Variants in CIT observed in about 807,000 individuals in gnomAD.
CIT encodes the protein citron Rho-interacting kinase.
A neutral mutation model predicts 272.7 loss-of-function variants in CIT; 79 were observed. The observed-to-expected ratio is 0.29, with a 90% CI of 0.24 to 0.35. The LOEUF (loss-of-function observed/expected upper bound fraction) is 0.35, where lower values mean the gene tolerates loss of function less well. Ranked by LOEUF, CIT falls within the 10% of genes least tolerant of loss-of-function variation. The pLI, the probability that CIT is intolerant of heterozygous loss-of-function variation, is 1.00. For missense variants in CIT, 1,909 were observed against 2,618.3 expected, an observed-to-expected ratio of 0.73 and a Z score of 5.91; for synonymous variants, 948 against 995.6, an observed-to-expected ratio of 0.95 and a Z score of 0.90.
chr12:119,868,931 C>A (rs983156601), intron 3 of CIT, 129 bp downstream of exon 3: 2 of 1,109,010 alleles, frequency 1.8e-6, no homozygotes, highest in Admixed American at 2.6e-5. Context: ...TGAATTTGAA[C>A]CTGGATCTGT....
intron 22 of CIT, among the ~76,000 whole-genome samples, chr12:119,756,602 CT>C (rs1961018717): frequency 6.6e-6 from 1 of 152,158 alleles, no homozygotes; most frequent in Admixed American, 6.5e-5. Flanking sequence ...GGAGAGTAGT[CT>C]TCCATCTTTT....
In CIT at chr12:119,783,953, T is replaced by C. The variant is rs1964534040; in HGVS notation, c.1500A>G (p.Arg500=). 1.2e-6 allele frequency: 2 copies of C among 1,612,282 alleles called. No individual in the cohort carries two copies. Among genetic ancestry groups the C allele is most frequent in the Non-Finnish European group, 1.7e-6 (2 of 1,179,164 alleles). ...TAGCAAGGTCCTGCTCCAGGAGGGA[T>C]CTCTGAGTCTCAGAGGCCTTCAGCT... The part of the protein sequence containing the change: ...EVELKASETQ[R]SLLEQDLATY... Residue 500 remains arginine (R), a synonymous_variant, in exon 12 of 48, where the codon AGA becomes AGG. Coordinates refer to ENST00000392521, the MANE Select transcript of CIT (RefSeq NM_001206999.2).
At chr12:119,839,236 C>T (rs1221291279) in intron 5 of CIT, among the ~76,000 whole-genome samples, 3 of 152,240 alleles carry the variant, frequency 2.0e-5, no homozygotes, top group Non-Finnish European at 4.4e-5. Flanking sequence ...TCTGTGCACA[C>T]GTGCACACAC....
chr12:119,833,294 A>G (rs1463207170), intron 6 of CIT, among the ~76,000 whole-genome samples: 1 of 152,214 alleles, frequency 6.6e-6, no homozygotes, highest in African/African-American at 2.4e-5. Context: ...CTGGACTAAC[A>G]ATCATTGTAT....
chr12:119,830,577 T>C (rs1968545458), intron 7 of CIT, among the ~76,000 whole-genome samples: 1 of 150,998 alleles, frequency 6.6e-6, no homozygotes, highest in African/African-American at 2.4e-5. Flanking sequence ...CTCAACCTAC[T>C]GCAGGCATGA....
At position 119,784,464 on chromosome 12, in the gene CIT, T is replaced by A; in HGVS notation, c.1402-413A>T. On this transcript the variant is annotated intron_variant, in intron 11 of 47. Coordinates refer to ENST00000392521, the MANE Select transcript of CIT (RefSeq NM_001206999.2). The surrounding 1 kb of genome is among the most constrained non-coding windows in gnomAD (Gnocchi z 4.7). The stretch of plus-strand genomic sequence containing the variant: ...CAGGACAGGGCAAGGAGATATTTAT[T>A]CGTCTGCACTCTTAGGAGTCCCAGG... 8.3e-7 allele frequency: 1 copy of A among 1,198,486 alleles called. No individual in the cohort carries two copies. Among genetic ancestry groups the A allele is most frequent in the African/African-American group, 1.6e-5 (1 of 63,096 alleles). 74.2% of individuals were successfully genotyped at this position (1,198,486 alleles called of 1,614,324 possible). A position where few individuals can be genotyped will look rare whatever the true frequency, so the allele number is the denominator to read the frequency against.
In CIT at chr12:119,768,895, G is replaced by A. The variant is rs984917094; in HGVS notation, c.2209-1713C>T. ...CATCATCATTACATAATGGTACTAA[G>A]GACCACTCTTTGCCCACCTCCTAGA... On this transcript the variant is annotated intron_variant, in intron 18 of 47. Coordinates refer to ENST00000392521, the MANE Select transcript of CIT (RefSeq NM_001206999.2). The surrounding 1 kb of genome is among the most constrained non-coding windows in gnomAD (Gnocchi z 4.3). Among the ~76,000 whole-genome samples, 2 of 152,082 alleles carry A rather than the reference G, an allele frequency of 1.3e-5. No individual in the cohort carries two copies. Among genetic ancestry groups the A allele is most frequent in the African/African-American group, 4.8e-5 (2 of 41,404 alleles).
chr12:119,718,271 C>A lies in CIT; in HGVS notation c.4142G>T (p.Arg1381Leu), dbSNP rs143048728. 4.3e-6 allele frequency: 7 copies of A among 1,613,304 alleles called. No individual in the cohort carries two copies. The highest frequency in any genetic ancestry group is 3.3e-5 in the South Asian group (3 of 91,000). The change falls in exon 32 of 48, where the codon CGC (arginine) becomes CTC (leucine). Residue 1381 changes from arginine (R) to leucine (L), a missense_variant. By Grantham distance (102) the Arg-to-Leu change is moderately radical. Coordinates refer to ENST00000392521, the MANE Select transcript of CIT (RefSeq NM_001206999.2). The surrounding 1 kb of genome is among the most constrained non-coding windows in gnomAD (Gnocchi z 4.8). ...CTCTGGAGTTGAAGACTCCTTTCTG[C>A]GGCTGGATGGCGGGGCCAGCAGGCT... ...AMSLLAPPSS[R>L]RKESSTPEEF...
intron 5 of CIT, 113 bp from the exon 6 acceptor site, chr12:119,834,341 A>C (rs909841198): frequency 1.6e-5 from 16 of 993,580 alleles, no homozygotes; most frequent in African/African-American, 4.9e-5. Context: ...TCCACAAAGC[A>C]AAGAAGATGT....
In CIT at chr12:119,862,808, T is replaced by TAAAAAA. The variant is rs1157467178; in HGVS notation, c.239-5116_239-5111dup. ...CTGGGTGACAGAGCAAGACTCTACC[T>TAAAAAA]AAAAAAAAAAAAAAAAAAAAAAAAA... On this transcript the variant is annotated intron_variant, in intron 3 of 47. Coordinates refer to ENST00000392521, the MANE Select transcript of CIT (RefSeq NM_001206999.2). Among the ~76,000 whole-genome samples, 49 of 10,230 alleles carry TAAAAAA rather than the reference T, an allele frequency of 4.8e-3. 5 individuals are homozygous for TAAAAAA. The highest frequency in any genetic ancestry group is 0.013 in the African/African-American group (40 of 3,184). 6.7% of individuals were successfully genotyped at this position (10,230 alleles called of 152,430 possible). A position where few individuals can be genotyped will look rare whatever the true frequency, so the allele number is the denominator to read the frequency against.
chr12:119,850,840 C>A (rs1322756671), intron 4 of CIT, among the ~76,000 whole-genome samples: 1 of 152,068 alleles, frequency 6.6e-6, no homozygotes, highest in African/African-American at 2.4e-5. Context: ...GTATCACAGG[C>A]CCACACAGGG....
intron 5 of CIT, among the ~76,000 whole-genome samples, chr12:119,847,594 G>GA (rs915602933): frequency 2.0e-4 from 28 of 141,576 alleles, no homozygotes; most frequent in African/African-American, 7.1e-4. Context: ...CTCCATCTCA[G>GA]AAAAAAAATG....
chr12:119,847,765 C>T (rs1473369846), intron 5 of CIT, among the ~76,000 whole-genome samples: 1 of 152,002 alleles, frequency 6.6e-6, no homozygotes, highest in Non-Finnish European at 1.5e-5. Context: ...GTGTCATGCA[C>T]CTGTAATCCC....
In CIT at chr12:119,690,358, T is replaced by C; in HGVS notation, c.5979A>G (p.Arg1993=). 6.3e-7 allele frequency: 1 copy of C among 1,598,198 alleles called. No individual in the cohort carries two copies. Residue 1993 remains arginine (R), a synonymous_variant, in exon 47 of 48, where the codon CGA becomes CGG. Transcript: ENST00000392521. This position sits in a 1 kb window ranked among gnomAD's most constrained non-coding sequence, Gnocchi z 6.0. ...PAPPEGPSHP[R]EPSTPHRYRE... ...GGTAGCGGTGGGGTGTGCTTGGCTC[T>C]CGCGGGTGGCTGGGGCCTTCGGGCG...
In CIT at chr12:119,704,461, A is replaced by G. The variant is rs373975278; in HGVS notation, c.5212-6T>C. On this transcript the variant is annotated splice_region_variant and splice_polypyrimidine_tract_variant and intron_variant, in intron 40 of 47. Transcript: ENST00000392521. ...ATGCAGAGCCCGTTCTCAATCTGAA[A>G]AGCAACCAAGAAAAGAAAAAGACTG... 1.4e-5 allele frequency: 22 copies of G among 1,613,630 alleles called. No homozygotes were observed. The African/African-American group carries it at 2.4e-4, about 18-fold the overall frequency.
intron 40 of CIT, among the ~76,000 whole-genome samples, chr12:119,706,034 G>C (rs1271975660): frequency 1.3e-5 from 2 of 150,962 alleles, no homozygotes; most frequent in Non-Finnish European, 2.9e-5. Context: ...AGGCTACAGT[G>C]AGCCAAGATC....
intron 44 of CIT, among the ~76,000 whole-genome samples, chr12:119,700,367 C>T (rs1452518047): frequency 6.6e-6 from 1 of 152,044 alleles, no homozygotes; most frequent in Non-Finnish European, 1.5e-5. Context: ...AAAAAATTTC[C>T]ACTTGCAATT....
At chr12:119,720,633 C>T in intron 29 of CIT, 48 bp from the exon 30 acceptor site, 3 of 1,374,898 alleles carry the variant, frequency 2.2e-6, no homozygotes, top group Non-Finnish European at 3.0e-6. Flanking sequence ...CAGAAGTATA[C>T]TTTTAAAGTT....
At chr12:119,752,376 C>A (rs141444482) in intron 22 of CIT, 129 bp from the exon 23 acceptor site, 14 of 801,710 alleles carry the variant, frequency 1.7e-5, no homozygotes, top group Non-Finnish European at 2.5e-5. Flanking sequence ...TCTCGGCACT[C>A]GATAGAGGAG....
Sources: gnomAD v4.1 joint callset for allele counts (sites outside exome capture counted in the v4.1 genomes callset) on GRCh38, gnomAD v4.1.1 for gene constraint, Gnocchi (gnomAD v3.1) non-coding constraint, MANE v1.5 for transcripts, NCBI Gene and HGNC (gene_info 2026-07-23, HGNC 2026-07-21) for gene names.